ALPK1: variants seen among roughly 807,000 people sequenced by gnomAD.
The protein encoded by ALPK1 is alpha-protein kinase 1.
ALPK1 carries 110 observed loss-of-function variants against 120.6 expected under a neutral mutation model. The ratio of observed to expected loss-of-function variants is 0.91; its 90% CI spans 0.78 to 1.07. ALPK1 has a LOEUF of 1.07. ALPK1 is among the 50% of genes least tolerant of loss of function. The pLI, the probability that ALPK1 is intolerant of heterozygous loss-of-function variation, is 0.00. For synonymous variants in ALPK1, 582 were observed against 560.3 expected, an observed-to-expected ratio of 1.04 and a Z score of -0.55; for missense variants, 1,498 against 1,483.9, an observed-to-expected ratio of 1.01 and a Z score of -0.16.
intron 1 of ALPK1, among the ~76,000 whole-genome samples, chr4:112,300,611 C>T (rs1404459261): frequency 3.3e-5 from 5 of 151,642 alleles, no homozygotes; most frequent in Admixed American, 3.3e-4. Context: ...CCAGTTGAAA[C>T]ACTTACTATT....
intron 2 of ALPK1, among the ~76,000 whole-genome samples, chr4:112,328,636 T>G (rs905060987): frequency 2.6e-5 from 4 of 152,328 alleles, no homozygotes; most frequent in Middle Eastern, 3.4e-3. Context: ...CTAAGAAAGC[T>G]CTTTAATACT....
chr4:112,435,207 G>T lies in ALPK1; in HGVS notation c.3094G>T (p.Val1032Phe), dbSNP rs139190227. Residue 1032 changes from valine to phenylalanine, a missense_variant, in exon 12 of 16, where the codon GTC (valine) becomes TTC (phenylalanine). Val to Phe is a conservative substitution (Grantham distance 50). Coordinates refer to ENST00000650871, the MANE Select transcript of ALPK1 (RefSeq NM_025144.4). ...ACTGTGGACGGCCCAGGAAACTATT[G>T]TCTATTTGGGGGACTACTTGACTGT... ...SELWTAQETIVYLGDYLTVKK... is the reference protein window; with the variant it reads ...SELWTAQETIFYLGDYLTVKK... 2.5e-5 allele frequency: 41 copies of T among 1,613,106 alleles called. No individual in the cohort carries two copies. The African/African-American group carries it at 2.8e-4, about 11-fold the overall frequency.
intron 4 of ALPK1, among the ~76,000 whole-genome samples, chr4:112,394,276 C>T (rs2148736546): frequency 6.6e-6 from 1 of 152,286 alleles, no homozygotes; most frequent in African/African-American, 2.4e-5. Context: ...ATAGCCTGCC[C>T]CTCTGCTTCT....
rs1431922349 is a variant in ALPK1 at position 112,438,503 on chromosome 4, A to G, written c.3208A>G (p.Lys1070Glu). 2 of 1,613,656 alleles carry G rather than the reference A, an allele frequency of 1.2e-6. No homozygotes were observed. The highest frequency in any genetic ancestry group is 2.2e-5 in the East Asian group (1 of 44,872). The change falls in exon 13 of 16, where the codon AAG becomes GAG. Residue 1070 changes from lysine (K) to glutamate (E), a missense_variant. Coordinates refer to ENST00000650871, the MANE Select transcript of ALPK1 (RefSeq NM_025144.4). Reference sequence around the variant, plus strand: ...TCATAGGTATGTTGGGAAAGACTATAAGGAGCAGAAGGGGCTCTGGCACCA... The same window carrying G: ...TCATAGGTATGTTGGGAAAGACTATGAGGAGCAGAAGGGGCTCTGGCACCA... ...ILGRYVGKDY[K>E]EQKGLWHHFT...
intron 2 of ALPK1, among the ~76,000 whole-genome samples, chr4:112,364,303 G>A (rs528779756): frequency 3.1e-4 from 47 of 151,446 alleles, no homozygotes; most frequent in African/African-American, 5.8e-4. Flanking sequence ...AAATAAAACC[G>A]TTAGACCATT....
chr4:112,351,990 C>T (rs1730381432), intron 2 of ALPK1, among the ~76,000 whole-genome samples: 1 of 152,162 alleles, frequency 6.6e-6, no homozygotes, highest in Non-Finnish European at 1.5e-5. Context: ...ACTTGTCCAT[C>T]CAGCAATTCC....
intron 2 of ALPK1, among the ~76,000 whole-genome samples, chr4:112,372,555 T>A (rs1039847821): frequency 6.6e-6 from 1 of 152,222 alleles, no homozygotes; most frequent in African/African-American, 2.4e-5. Flanking sequence ...AAATTATATA[T>A]CTTTATGGTC....
At chr4:112,324,692 G>A (rs747034851) in intron 2 of ALPK1, among the ~76,000 whole-genome samples, 1 of 151,930 alleles carries the variant, frequency 6.6e-6, no homozygotes, top group Non-Finnish European at 1.5e-5. Context: ...GCCCAGGCTG[G>A]CTTCAAACTC....
chr4:112,393,393 A>G (rs1251819405), intron 4 of ALPK1, among the ~76,000 whole-genome samples: 1 of 152,222 alleles, frequency 6.6e-6, no homozygotes, highest in Non-Finnish European at 1.5e-5. Context: ...CAACTAATTA[A>G]AAGAAAATAA....
chr4:112,324,276 G>A (rs1448426203), intron 2 of ALPK1, among the ~76,000 whole-genome samples: 1 of 149,320 alleles, frequency 6.7e-6, no homozygotes, highest in Non-Finnish European at 1.5e-5. Flanking sequence ...GCAGTGAGCC[G>A]AGATCATGCC....
At position 112,441,271 on chromosome 4, in the gene ALPK1, T is replaced by A; in HGVS notation, c.*61T>A. On this transcript the variant is annotated 3_prime_UTR_variant, in exon 16 of 16. Transcript: ENST00000650871. ...GGGCCGTGACACAGGTTCTGGCCAA[T>A]GATTTGCAAGAGGAATTGATCAGTA... The A allele has an allele frequency of 8.9e-7, 1 of 1,124,040 alleles. No homozygotes were observed. Among genetic ancestry groups the A allele is most frequent in the East Asian group, 2.3e-5 (1 of 42,680 alleles). The allele number at this position is 1,124,040 out of a possible 1,614,324, so 69.6% of individuals were successfully genotyped here. A position where few individuals can be genotyped will look rare whatever the true frequency, so the allele number is the denominator to read the frequency against.
intron 2 of ALPK1, among the ~76,000 whole-genome samples, chr4:112,367,165 C>T (rs1323981349): frequency 6.6e-6 from 1 of 151,960 alleles, no homozygotes; most frequent in South Asian, 2.1e-4. Flanking sequence ...ATTCATGTAG[C>T]CAAACACCAC....
chr4:112,339,446 G>A (rs746312719), intron 2 of ALPK1, among the ~76,000 whole-genome samples: 55 of 152,056 alleles, frequency 3.6e-4, no homozygotes, highest in Non-Finnish European at 6.9e-4. Context: ...TCAATATTAC[G>A]AATAATTTAT....
intron 3 of ALPK1, among the ~76,000 whole-genome samples, chr4:112,379,079 C>T (rs946691876): frequency 1.3e-5 from 2 of 152,172 alleles, no homozygotes; most frequent in Non-Finnish European, 2.9e-5. Context: ...TCCCCAGGGG[C>T]GGTGTGTTGT....
At chr4:112,350,018 A>G (rs946715138) in intron 2 of ALPK1, among the ~76,000 whole-genome samples, 20 of 152,232 alleles carry the variant, frequency 1.3e-4, no homozygotes, top group African/African-American at 4.6e-4. Flanking sequence ...CTACTCAGCT[A>G]GTAAGTAGCA....
At chr4:112,379,531 G>T (rs1389948173) in intron 3 of ALPK1, among the ~76,000 whole-genome samples, 1 of 152,394 alleles carries the variant, frequency 6.6e-6, no homozygotes, top group East Asian at 1.9e-4. Flanking sequence ...ATGGAGTGCA[G>T]CCTGCACCGG....
In ALPK1 at chr4:112,411,596, A is replaced by G. The variant is rs915794714; in HGVS notation, c.277-231A>G. 2.1e-5 allele frequency: 12 copies of G among 572,542 alleles called. 1 individual carries two copies. In the Admixed American group the frequency reaches 2.1e-4, roughly 10 times the overall value. The allele number at this position is 572,542 out of a possible 1,614,324, so 35.5% of individuals were successfully genotyped here. A position where few individuals can be genotyped will look rare whatever the true frequency, so the allele number is the denominator to read the frequency against. On this transcript the variant is annotated intron_variant, in intron 4 of 15. Coordinates refer to ENST00000650871, the MANE Select transcript of ALPK1 (RefSeq NM_025144.4). ...CGGGAAGTATGCATTTATCGCTTCT[A>G]TAATTTTATAAATGTAATGGGGGAA... is the stretch of plus-strand genomic sequence containing the variant.
intron 2 of ALPK1, among the ~76,000 whole-genome samples, chr4:112,322,386 A>G (rs1164102259): frequency 1.3e-5 from 2 of 152,376 alleles, no homozygotes; most frequent in East Asian, 3.9e-4. Flanking sequence ...AACACTACAG[A>G]TATCCCTGAA....
At chr4:112,358,419 C>G (rs1009336400) in intron 2 of ALPK1, 20 of 641,174 alleles carry the variant, frequency 3.1e-5, no homozygotes, top group Admixed American at 2.2e-4. Flanking sequence ...GTCAGGGTGA[C>G]TAAGTCAACT....
Sources: gnomAD v4.1 joint callset for allele counts (sites outside exome capture counted in the v4.1 genomes callset) on GRCh38, gnomAD v4.1.1 for gene constraint, MANE v1.5 for transcripts, NCBI Gene and HGNC (gene_info 2026-07-23, HGNC 2026-07-21) for gene names.